Variants in RPS6KB1 observed in about 807,000 individuals in gnomAD.
RPS6KB1 encodes ribosomal protein S6 kinase beta-1.
RPS6KB1 carries 12 observed loss-of-function variants against 70.2 expected under a neutral mutation model. The ratio of observed to expected loss-of-function variants is 0.17; its 90% CI spans 0.11 to 0.28. The LOEUF is 0.28. Ranked by LOEUF, RPS6KB1 falls within the 10% of genes least tolerant of loss-of-function variation. The probability of loss-of-function intolerance (pLI) is 1.00; values close to 1 mark genes in which losing one functional copy is unlikely to be tolerated. For missense variants in RPS6KB1, 270 were observed against 646.6 expected (o/e 0.42, Z 6.32); for synonymous variants, 175 against 211.2 (o/e 0.83, Z 1.49).
Position 59,934,363 on chromosome 17 carries a change from G to C in RPS6KB1, c.780-71G>C. On this transcript the variant is annotated intron_variant, in intron 8 of 14. Transcript: ENST00000225577. This position sits in a 1 kb window ranked among gnomAD's most constrained non-coding sequence, Gnocchi z 4.8. ...TGTACCCTCATTGACTCTGTATATT[G>C]TTTTTAAAATTCTAATTCAGATGAT... 1 of 1,503,048 alleles carries C rather than the reference G, an allele frequency of 6.7e-7. No individual in the cohort carries two copies. The highest frequency in any genetic ancestry group is 9.3e-7 in the Non-Finnish European group (1 of 1,080,184). The allele number at this position is 1,503,048 out of a possible 1,614,324, so 93.1% of individuals were successfully genotyped here. A position where few individuals can be genotyped will look rare whatever the true frequency, so the allele number is the denominator to read the frequency against.
At chr17:59,941,413 C>T (rs916513636) in intron 13 of RPS6KB1, among the ~76,000 whole-genome samples, 4 of 151,500 alleles carry the variant, frequency 2.6e-5, no homozygotes, top group Non-Finnish European at 5.9e-5. Flanking sequence ...CAGCCTTGAC[C>T]TCCCAGGCTC....
Position 59,893,341 on chromosome 17 carries a change from C to G in RPS6KB1, c.141+16C>G, listed in dbSNP as rs757736552. On this transcript the variant is annotated intron_variant, in intron 1 of 14. Transcript: ENST00000225577. This position sits in a 1 kb window ranked among gnomAD's most constrained non-coding sequence, Gnocchi z 4.1. Reference sequence around the variant, plus strand: ...GGAGGAGGGGGTGAGGCCCGGGGTCCCCGGGGGCCCGAGGTGACAGGGCCG... The same window carrying G: ...GGAGGAGGGGGTGAGGCCCGGGGTCGCCGGGGGCCCGAGGTGACAGGGCCG... The G allele has an allele frequency of 6.3e-7, 1 of 1,588,592 alleles. No individual in the cohort carries two copies. The highest frequency in any genetic ancestry group is 8.6e-7 in the Non-Finnish European group (1 of 1,167,938).
In RPS6KB1 at chr17:59,909,004, G is replaced by A. The variant is rs567561088; in HGVS notation, c.142-1558G>A. On this transcript the variant is annotated intron_variant, in intron 1 of 14. Coordinates refer to ENST00000225577, the MANE Select transcript of RPS6KB1 (RefSeq NM_003161.4). The stretch of plus-strand genomic sequence containing the variant: ...TGCAATGGCGCGATCTCGGCTCACT[G>A]CCATCTCTGCCTTCCAGGTTCAAGT... Among the ~76,000 whole-genome samples the A allele has an allele frequency of 1.5e-3, 222 of 144,358 alleles. 1 individual carries two copies. The highest frequency in any genetic ancestry group is 2.8e-3 in the Non-Finnish European group (190 of 67,082). The allele number at this position is 144,358 out of a possible 152,430, so 94.7% of individuals were successfully genotyped here.
intron 5 of RPS6KB1, 106 bp from the exon 6 acceptor site, chr17:59,930,011 T>C: frequency 2.9e-6 from 2 of 687,708 alleles, no homozygotes; most frequent in Non-Finnish European, 5.2e-6. Flanking sequence ...TTTAAGGGGC[T>C]GATGTCTTTT....
intron 7 of RPS6KB1, among the ~76,000 whole-genome samples, chr17:59,932,708 C>T (rs1317423055): frequency 6.6e-6 from 1 of 152,000 alleles, no homozygotes; most frequent in African/African-American, 2.4e-5. Context: ...CACACCACCA[C>T]GCCTGACTAA....
In RPS6KB1 at chr17:59,934,153, G is replaced by C. The variant is rs2044104469; in HGVS notation, c.689-17G>C. 7.0e-7 allele frequency: 1 copy of C among 1,431,914 alleles called. No homozygotes were observed. Among genetic ancestry groups the C allele is most frequent in the East Asian group, 2.3e-5 (1 of 44,006 alleles). 88.7% of individuals were successfully genotyped at this position (1,431,914 alleles called of 1,614,324 possible). On this transcript the variant is annotated splice_polypyrimidine_tract_variant and intron_variant, in intron 7 of 14. Coordinates refer to ENST00000225577, the MANE Select transcript of RPS6KB1 (RefSeq NM_003161.4). This position sits in a 1 kb window ranked among gnomAD's most constrained non-coding sequence, Gnocchi z 4.8. ...TTATAATTCGGAGAATAATCATGCT[G>C]TAATCTTTCATTGTAGGTCATGTGA... is the stretch of plus-strand genomic sequence containing the variant.
In RPS6KB1 at chr17:59,912,747, A is replaced by C. The variant is rs201788760; in HGVS notation, c.255A>C (p.Lys85Asn). 1 of 1,614,132 alleles carries C rather than the reference A, an allele frequency of 6.2e-7. No individual in the cohort carries two copies. The highest frequency in any genetic ancestry group is 8.5e-7 in the Non-Finnish European group (1 of 1,180,008). The change falls in exon 3 of 15, where the codon AAA becomes AAC. Residue 85 changes from lysine (K) to asparagine (N), a missense_variant. By Grantham distance (94) the Lys-to-Asn change is moderately conservative. Coordinates refer to ENST00000225577, the MANE Select transcript of RPS6KB1 (RefSeq NM_003161.4). ...CTAGTGTGAACAGAGGGCCAGAAAA[A>C]ATCAGACCAGAATGTTTTGAGCTAC... ...SETSVNRGPE[K>N]IRPECFELLR... is the part of the protein sequence containing the mutation.
At chr17:59,901,219 G>A (rs1439632936) in intron 1 of RPS6KB1, among the ~76,000 whole-genome samples, 1 of 150,512 alleles carries the variant, frequency 6.6e-6, no homozygotes, top group South Asian at 2.1e-4. Context: ...GCGCGATCTC[G>A]GCTCACTGCA....
At chr17:59,945,066 T>C (rs2145075333) in intron 13 of RPS6KB1, 1 of 171,954 alleles carries the variant, frequency 5.8e-6, no homozygotes, top group Middle Eastern at 2.9e-3. Flanking sequence ...CCTCCCAAAG[T>C]GCTGGGATGA....
intron 1 of RPS6KB1, among the ~76,000 whole-genome samples, chr17:59,900,224 A>ACACACC (rs1190058784): frequency 1.4e-5 from 2 of 139,448 alleles, no homozygotes; most frequent in Admixed American, 1.5e-4. Context: ...ACACACACAC[A>ACACACC]CACACACCCC....
chr17:59,908,646 T>G (rs2042411976), intron 1 of RPS6KB1, among the ~76,000 whole-genome samples: 2 of 120,156 alleles, frequency 1.7e-5, no homozygotes, highest in African/African-American at 6.6e-5. Flanking sequence ...TGAGACGGAG[T>G]CTCGCTCTGT....
chr17:59,935,091 A>G (rs1410538696), intron 9 of RPS6KB1, 102 bp from the exon 10 acceptor site: 7 of 665,098 alleles, frequency 1.1e-5, no homozygotes, highest in Non-Finnish European at 1.8e-5. Flanking sequence ...ATCTCCATGT[A>G]TAACTAATTT....
chr17:59,924,957 T>G (rs2043516055), intron 4 of RPS6KB1, among the ~76,000 whole-genome samples: 2 of 151,998 alleles, frequency 1.3e-5, no homozygotes, highest in Admixed American at 1.3e-4. Context: ...GCCTCCCAAG[T>G]AGCTTGGACT....
In RPS6KB1 at chr17:59,934,472, C is replaced by T; in HGVS notation, c.818C>T (p.Ala273Val). Reference sequence around the variant, plus strand: ...TTGATGAGAAGTGGCCACAATCGTGCTGTGGATTGGTGGAGTTTGGGAGCA... The same window carrying T: ...TTGATGAGAAGTGGCCACAATCGTGTTGTGGATTGGTGGAGTTTGGGAGCA... ...EILMRSGHNR[A>V]VDWWSLGALM... Residue 273 changes from alanine (A) to valine (V), a missense_variant, in exon 9 of 15, where the codon GCT (alanine) becomes GTT (valine). Physicochemically the swap from Ala to Val is moderately conservative, Grantham distance 64 (BLOSUM62 0). This residue lies in a region of RPS6KB1 where 133 missense variants were observed against 314.7 expected (regional missense o/e 0.42). Transcript: ENST00000225577. The surrounding 1 kb of genome is among the most constrained non-coding windows in gnomAD (Gnocchi z 4.8). 1.2e-6 allele frequency: 2 copies of T among 1,613,814 alleles called. No homozygotes were observed. The highest frequency in any genetic ancestry group is 1.7e-6 in the Non-Finnish European group (2 of 1,179,790).
At chr17:59,938,699 TTGTGTGTGTG>T (rs58751297) in intron 12 of RPS6KB1, among the ~76,000 whole-genome samples, 3,354 of 138,150 alleles carry the variant, frequency 0.024, 110 homozygotes, top group African/African-American at 0.079. Context: ...AATGTGTAGT[TTGTGTGTGTG>T]TGTGTGTGTG....
chr17:59,894,940 C>T (rs1263497918), intron 1 of RPS6KB1, among the ~76,000 whole-genome samples: 1 of 152,088 alleles, frequency 6.6e-6, no homozygotes, highest in African/African-American at 2.4e-5. Flanking sequence ...AAGACTAAAT[C>T]AAAATCACAC....
chr17:59,906,123 G>T (rs1391736710), intron 1 of RPS6KB1, among the ~76,000 whole-genome samples: 1 of 152,120 alleles, frequency 6.6e-6, no homozygotes, highest in Non-Finnish European at 1.5e-5. Flanking sequence ...ATTGCCTCTT[G>T]CCTAATGAAT....
rs772989417 is a variant in RPS6KB1 at position 59,934,286 on chromosome 17, G to GT, written c.779+29dup. ...GTGAGCTACATGTTAAACATAATTG[G>GT]TTTGGGGGTAATAGCTAATTTTACC... On this transcript the variant is annotated intron_variant, in intron 8 of 14. Coordinates refer to ENST00000225577, the MANE Select transcript of RPS6KB1 (RefSeq NM_003161.4). The surrounding 1 kb of genome is among the most constrained non-coding windows in gnomAD (Gnocchi z 4.8). The GT allele has an allele frequency of 4.5e-6, 7 of 1,551,718 alleles. No homozygotes were observed. In the African/African-American group the frequency reaches 8.1e-5, roughly 18 times the overall value.
chr17:59,926,320 A>G lies in RPS6KB1; in HGVS notation c.382-115A>G, dbSNP rs994745087. The G allele has an allele frequency of 3.5e-5, 27 of 767,404 alleles. No individual in the cohort carries two copies. The African/African-American group carries it at 4.6e-4, about 13-fold the overall frequency. 47.5% of individuals were successfully genotyped at this position (767,404 alleles called of 1,614,324 possible). A position where few individuals can be genotyped will look rare whatever the true frequency, so the allele number is the denominator to read the frequency against. On this transcript the variant is annotated intron_variant, in intron 4 of 14. Coordinates refer to ENST00000225577, the MANE Select transcript of RPS6KB1 (RefSeq NM_003161.4). Reference sequence around the variant, plus strand: ...CCCATCTCAGTTTCTAGTGGGAACTATGGTTAATAGTTCAATATTGGCAGG... The same window carrying G: ...CCCATCTCAGTTTCTAGTGGGAACTGTGGTTAATAGTTCAATATTGGCAGG...
Sources: allele counts gnomAD v4.1 joint callset (sites outside exome capture counted in the v4.1 genomes callset), GRCh38; gene constraint gnomAD v4.1.1; regional missense constraint gnomAD v4.1.1; non-coding constraint Gnocchi (gnomAD v3.1); transcripts MANE v1.5; gene names NCBI Gene and HGNC (gene_info 2026-07-23, HGNC 2026-07-21).